Variants in CSMD1 observed in about 807,000 individuals in gnomAD.
CSMD1 encodes the protein CUB and sushi domain-containing protein 1.
Under a neutral mutation model 417.5 loss-of-function variants are expected in CSMD1, and 213 were observed. That is an observed-to-expected ratio of 0.51 (90% confidence interval 0.46 to 0.57). The LOEUF is 0.57. CSMD1 is among the 20% of genes least tolerant of loss of function. CSMD1 has a pLI of 0.00. For synonymous variants in CSMD1, 2,862 were observed against 1,736.8 expected, an observed-to-expected ratio of 1.65 and a Z score of -16.11; for missense variants, 6,923 against 4,529.7, an observed-to-expected ratio of 1.53 and a Z score of -15.17.
chr8:4,823,571 G>A (rs531108376), intron 1 of CSMD1, among the ~76,000 whole-genome samples: 2 of 152,010 alleles, frequency 1.3e-5, no homozygotes, highest in East Asian at 1.9e-4. Flanking sequence ...TATGAGCCCA[G>A]TACACACAGC....
chr8:3,201,305 T>C (rs940368814), intron 32 of CSMD1, among the ~76,000 whole-genome samples: 4 of 152,132 alleles, frequency 2.6e-5, no homozygotes, highest in African/African-American at 9.7e-5. Context: ...ACACATGGGA[T>C]ACAAAATTAA....
intron 25 of CSMD1, among the ~76,000 whole-genome samples, chr8:3,289,848 G>A (rs984335236): frequency 5.4e-5 from 8 of 147,428 alleles, no homozygotes; most frequent in South Asian, 2.1e-4. Context: ...CCATTTGTCA[G>A]TTTTGGCTTT....
chr8:4,490,391 A>G (rs1801641368), intron 2 of CSMD1, among the ~76,000 whole-genome samples: 1 of 152,196 alleles, frequency 6.6e-6, no homozygotes, highest in African/African-American at 2.4e-5. Context: ...CTTAGTTTCT[A>G]AGGAATAAAA....
At chr8:2,946,745 T>A (rs981341935) in intron 68 of CSMD1, among the ~76,000 whole-genome samples, 1 of 152,256 alleles carries the variant, frequency 6.6e-6, no homozygotes, top group South Asian at 2.1e-4. Flanking sequence ...TTCTTTTGGC[T>A]ACCCATGTAG....
chr8:3,262,538 TG>T (rs1801156518), intron 26 of CSMD1, among the ~76,000 whole-genome samples: 1 of 147,352 alleles, frequency 6.8e-6, no homozygotes, highest in Non-Finnish European at 1.5e-5. Context: ...TCGGGCCAAA[TG>T]AAAAAAAAAA....
chr8:3,012,975 T>C (rs1295170548), intron 52 of CSMD1, among the ~76,000 whole-genome samples: 1 of 152,222 alleles, frequency 6.6e-6, no homozygotes, highest in Non-Finnish European at 1.5e-5. Context: ...GGAGTTCCCC[T>C]GCACACGCTC....
At chr8:4,314,957 G>C (rs866651598) in intron 3 of CSMD1, among the ~76,000 whole-genome samples, 1 of 152,134 alleles carries the variant, frequency 6.6e-6, no homozygotes, top group Non-Finnish European at 1.5e-5. Context: ...ATTCTACATG[G>C]TGGGAGGAGG....
At chr8:3,492,401 C>T (rs965444557) in intron 11 of CSMD1, among the ~76,000 whole-genome samples, 1 of 152,144 alleles carries the variant, frequency 6.6e-6, no homozygotes, top group Non-Finnish European at 1.5e-5. Flanking sequence ...AAGAGGCATC[C>T]TCAGTAGTAT....
At chr8:2,980,333 C>T (rs1350231077) in intron 54 of CSMD1, among the ~76,000 whole-genome samples, 1 of 151,724 alleles carries the variant, frequency 6.6e-6, no homozygotes, top group Non-Finnish European at 1.5e-5. Context: ...TCCTCCTCCT[C>T]CTCCTCCTCC....
chr8:3,783,992 G>C (rs1018301785), intron 5 of CSMD1, among the ~76,000 whole-genome samples: 2 of 152,296 alleles, frequency 1.3e-5, no homozygotes, highest in Admixed American at 6.5e-5. Context: ...TCTGGTGCCT[G>C]ACCTTTCTTA....
intron 3 of CSMD1, among the ~76,000 whole-genome samples, chr8:4,276,696 G>C (rs1231492363): frequency 6.6e-6 from 1 of 152,150 alleles, no homozygotes; most frequent in African/African-American, 2.4e-5. Flanking sequence ...GAAGTCTTTA[G>C]TTCCAGTGGG....
intron 3 of CSMD1, among the ~76,000 whole-genome samples, chr8:4,401,780 T>A (rs1283540402): frequency 6.6e-6 from 1 of 152,178 alleles, no homozygotes; most frequent in African/African-American, 2.4e-5. Flanking sequence ...CCCGCAGCCC[T>A]GTCCAGCAGT....
intron 38 of CSMD1, among the ~76,000 whole-genome samples, chr8:3,160,977 G>A (rs1022247118): frequency 2.0e-5 from 3 of 152,146 alleles, no homozygotes; most frequent in African/African-American, 7.2e-5. Context: ...CTGTAGTGTT[G>A]CAACTCTGCA....
chr8:3,514,606 T>C (rs1052683217), intron 10 of CSMD1, among the ~76,000 whole-genome samples: 4 of 152,246 alleles, frequency 2.6e-5, no homozygotes, highest in South Asian at 2.1e-4. Context: ...TTTGTTTTAA[T>C]GTGACTCACT....
chr8:2,949,371 C>G lies in CSMD1; in HGVS notation c.10330G>C (p.Glu3444Gln). Residue 3444 changes from glutamate (E) to glutamine (Q), a missense_variant, in exon 68 of 70, where the codon GAA becomes CAA. Coordinates refer to ENST00000635120, the MANE Select transcript of CSMD1 (RefSeq NM_033225.6). ...GLDGYVSSGL[E>Q]RGGFTFQGDI... is the part of the protein sequence containing the mutation. ...CCTTGAAAAGTAAATCCTCCTCTTT[C>G]AAGTCCAGATGACACCTGACACATA... 11 of 1,598,590 alleles carry G rather than the reference C, an allele frequency of 6.9e-6. No individual in the cohort carries two copies. The highest frequency in any genetic ancestry group is 9.4e-6 in the Non-Finnish European group (11 of 1,171,896).
chr8:4,080,295 G>C (rs763385172), intron 3 of CSMD1, among the ~76,000 whole-genome samples: 1 of 152,148 alleles, frequency 6.6e-6, no homozygotes, highest in South Asian at 2.1e-4. Flanking sequence ...CACGGTTACA[G>C]TGTACCTAAG....
At chr8:4,410,764 G>T (rs540508459) in intron 3 of CSMD1, among the ~76,000 whole-genome samples, 1 of 152,104 alleles carries the variant, frequency 6.6e-6, no homozygotes, top group African/African-American at 2.4e-5. Flanking sequence ...ATTAAGAAAT[G>T]AAAGTATAAC....
rs147880923 is a variant in CSMD1 at position 3,736,674 on chromosome 8, C to T, written c.931+17256G>A. Among the ~76,000 whole-genome samples the T allele has an allele frequency of 2.6e-5, 4 of 152,310 alleles. No individual in the cohort carries two copies. In the East Asian group the frequency reaches 7.7e-4, roughly 29 times the overall value. Reference sequence around the variant, plus strand: ...CCATCACCTGCGACCTGGCCTGACTCAGCTTCCGCAGAATGGAGCTGGGGA... The same window carrying T: ...CCATCACCTGCGACCTGGCCTGACTTAGCTTCCGCAGAATGGAGCTGGGGA... On this transcript the variant is annotated intron_variant, in intron 6 of 69. Transcript: ENST00000635120.
At chr8:3,963,351 G>A (rs1200429347) in intron 5 of CSMD1, among the ~76,000 whole-genome samples, 2 of 152,154 alleles carry the variant, frequency 1.3e-5, no homozygotes, top group Non-Finnish European at 2.9e-5. Flanking sequence ...GAAAGAACGT[G>A]TGGTGTTTAC....
Sources: allele counts gnomAD v4.1 joint callset (sites outside exome capture counted in the v4.1 genomes callset), GRCh38; gene constraint gnomAD v4.1.1; transcripts MANE v1.5; gene names NCBI Gene and HGNC (gene_info 2026-07-23, HGNC 2026-07-21).